Variants in OPCML observed in about 807,000 individuals in gnomAD.
OPCML encodes the protein opioid binding protein/cell adhesion molecule like.
OPCML carries 13 observed loss-of-function variants against 37.8 expected under a neutral mutation model. The ratio of observed to expected loss-of-function variants is 0.34; its 90% CI spans 0.22 to 0.55. OPCML has a LOEUF of 0.55. Ranked by LOEUF, OPCML falls within the 20% of genes least tolerant of loss-of-function variation. The probability of loss-of-function intolerance (pLI) is 0.91; values close to 1 mark genes in which losing one functional copy is unlikely to be tolerated. For synonymous variants in OPCML, 176 were observed against 168.8 expected, an observed-to-expected ratio of 1.04 and a Z score of -0.33; for missense variants, 341 against 435.6, an observed-to-expected ratio of 0.78 and a Z score of 1.93.
At chr11:132,480,119 GA>G (rs1156817499) in intron 4 of OPCML, among the ~76,000 whole-genome samples, 2 of 152,000 alleles carry the variant, frequency 1.3e-5, no homozygotes, top group Non-Finnish European at 2.9e-5. Flanking sequence ...TGAAAACTTT[GA>G]AAAAAATTTA....
At chr11:132,478,975 G>A (rs1365234228) in intron 4 of OPCML, among the ~76,000 whole-genome samples, 1 of 151,784 alleles carries the variant, frequency 6.6e-6, no homozygotes, top group East Asian at 1.9e-4. Context: ...TTTTTCACAA[G>A]GAGATAGAGC....
rs2095939899 is a variant in OPCML at position 132,416,707 on chromosome 11, T to C, written c.*3486A>G. The C allele has an allele frequency of 6.6e-6, 1 of 152,346 alleles. No individual in the cohort carries two copies. The highest frequency in any genetic ancestry group is 6.5e-5 in the Admixed American group (1 of 15,300). The allele number at this position is 152,346 out of a possible 1,614,324, so 9.4% of individuals were successfully genotyped here. ...CTTTGTGACACAACACCTTACCTTT[T>C]CTTCTGTTTCGTGGAGCACAGTTGC... On this transcript the variant is annotated 3_prime_UTR_variant, in exon 8 of 8. Coordinates refer to ENST00000524381, the MANE Select transcript of OPCML (RefSeq NM_001012393.5).
chr11:132,735,875 A>T (rs1305560479), intron 2 of OPCML, among the ~76,000 whole-genome samples: 1 of 152,200 alleles, frequency 6.6e-6, no homozygotes, highest in Non-Finnish European at 1.5e-5. Context: ...ATGCCCAAAC[A>T]TCTACATCCA....
chr11:132,650,486 A>G (rs191687116), intron 3 of OPCML, among the ~76,000 whole-genome samples: 50 of 152,278 alleles, frequency 3.3e-4, no homozygotes, highest in African/African-American at 1.2e-3. Context: ...AAAGTCCTTA[A>G]CCTAATTTTG....
intron 1 of OPCML, among the ~76,000 whole-genome samples, chr11:133,507,988 T>C (rs1471310675): frequency 6.6e-6 from 1 of 151,524 alleles, no homozygotes; most frequent in African/African-American, 2.4e-5. Context: ...GAGCCAATAA[T>C]GCAAGCTGTA....
At chr11:132,781,246 G>T (rs926552310) in intron 2 of OPCML, among the ~76,000 whole-genome samples, 12 of 152,006 alleles carry the variant, frequency 7.9e-5, no homozygotes, top group Admixed American at 3.3e-4. Flanking sequence ...GGGCTGAGTG[G>T]GGCAAAGTGA....
At chr11:132,759,261 C>CT (rs1328967805) in intron 2 of OPCML, among the ~76,000 whole-genome samples, 13 of 152,146 alleles carry the variant, frequency 8.5e-5, no homozygotes, top group African/African-American at 2.7e-4. Context: ...CTGAAATTTT[C>CT]TTTTTTTGTT....
intron 4 of OPCML, among the ~76,000 whole-genome samples, chr11:132,506,528 A>G (rs1234965780): frequency 1.3e-5 from 2 of 152,162 alleles, no homozygotes; most frequent in African/African-American, 4.8e-5. Flanking sequence ...CTCAACATGT[A>G]AACGCGGATT....
intron 2 of OPCML, among the ~76,000 whole-genome samples, chr11:132,752,805 A>G (rs959405987): frequency 1.3e-5 from 2 of 152,172 alleles, no homozygotes; most frequent in African/African-American, 4.8e-5. Context: ...TAGATGATAT[A>G]TAAAAGACAG....
rs1040769547 is a variant in OPCML at position 133,055,988 on chromosome 11, C to T, written c.62-112978G>A. On this transcript the variant is annotated intron_variant, in intron 1 of 7. Coordinates refer to ENST00000524381, the MANE Select transcript of OPCML (RefSeq NM_001012393.5). Reference sequence around the variant, plus strand: ...CCACCTCTACCATACAATGCTGCCTCCATGATAATTCCAAGTGGTGAGACT... The same window carrying T: ...CCACCTCTACCATACAATGCTGCCTTCATGATAATTCCAAGTGGTGAGACT... Among the ~76,000 whole-genome samples, 7 of 152,072 alleles carry T rather than the reference C, an allele frequency of 4.6e-5. No individual in the cohort carries two copies. In the East Asian group the frequency reaches 1.4e-3, roughly 29 times the overall value.
chr11:132,745,419 A>G (rs75393566), intron 2 of OPCML, among the ~76,000 whole-genome samples: 1,602 of 152,274 alleles, frequency 0.011, 14 homozygotes, highest in Middle Eastern at 0.024. Flanking sequence ...CATTACCAGA[A>G]GCTCTGGAGC....
At chr11:132,834,260 T>G (rs1474854886) in intron 2 of OPCML, among the ~76,000 whole-genome samples, 1 of 152,208 alleles carries the variant, frequency 6.6e-6, no homozygotes, top group Non-Finnish European at 1.5e-5. Flanking sequence ...TTTGTTCCAC[T>G]CATACCACCT....
chr11:132,493,895 C>T (rs561580247), intron 4 of OPCML, among the ~76,000 whole-genome samples: 12 of 152,230 alleles, frequency 7.9e-5, no homozygotes, highest in Non-Finnish European at 1.6e-4. Flanking sequence ...CCATGTGCAT[C>T]TTTTCTCATC....
At chr11:132,692,993 T>G (rs78536695) in intron 2 of OPCML, among the ~76,000 whole-genome samples, 3,946 of 152,300 alleles carry the variant, frequency 0.026, 170 homozygotes, top group African/African-American at 0.09. Flanking sequence ...ATGCACAGTA[T>G]TTGACTTGAG....
At chr11:132,854,443 C>T (rs1941963639) in intron 2 of OPCML, among the ~76,000 whole-genome samples, 1 of 152,188 alleles carries the variant, frequency 6.6e-6, no homozygotes, top group East Asian at 1.9e-4. Context: ...TCCCCTCCCT[C>T]CAGGTTGGAG....
At chr11:132,862,910 C>G (rs1013636290) in intron 2 of OPCML, among the ~76,000 whole-genome samples, 2 of 152,188 alleles carry the variant, frequency 1.3e-5, no homozygotes, top group Admixed American at 6.5e-5. Context: ...AAAAAGCTAA[C>G]CCTTTATGCA....
chr11:133,493,437 C>T (rs945014447), intron 1 of OPCML, among the ~76,000 whole-genome samples: 2 of 152,166 alleles, frequency 1.3e-5, no homozygotes, highest in African/African-American at 2.4e-5. Context: ...CATAGCCTTC[C>T]CCCATGTGTA....
chr11:132,700,186 C>T (rs1204249660), intron 2 of OPCML, among the ~76,000 whole-genome samples: 4 of 151,706 alleles, frequency 2.6e-5, no homozygotes, highest in Non-Finnish European at 5.9e-5. Flanking sequence ...TTATTTCAGT[C>T]TTCTCTTTTT....
chr11:132,533,048 T>C (rs925111098), intron 3 of OPCML, among the ~76,000 whole-genome samples: 1 of 152,184 alleles, frequency 6.6e-6, no homozygotes, highest in African/African-American at 2.4e-5. Flanking sequence ...CTTGTAAATA[T>C]ACACATAAAC....
Sources: allele counts gnomAD v4.1 joint callset (sites outside exome capture counted in the v4.1 genomes callset), GRCh38; gene constraint gnomAD v4.1.1; transcripts MANE v1.5; gene names NCBI Gene and HGNC (gene_info 2026-07-23, HGNC 2026-07-21).